RASA2: variants seen among roughly 807,000 people sequenced by gnomAD.
RASA2 encodes the protein ras GTPase-activating protein 2.
Under a neutral mutation model 118.2 loss-of-function variants are expected in RASA2, and 155 were observed. That is an observed-to-expected ratio of 1.31 (90% CI 1.15 to 1.50). RASA2 has a LOEUF of 1.50. Ranked by LOEUF, RASA2 falls within the 40% of genes most tolerant of loss-of-function variation. The pLI is 0.00. For missense variants in RASA2, 1,016 were observed against 1,009.6 expected, an observed-to-expected ratio of 1.01 and a Z score of -0.09; for synonymous variants, 353 against 349.1, an observed-to-expected ratio of 1.01 and a Z score of -0.12.
intron 5 of RASA2, among the ~76,000 whole-genome samples, chr3:141,545,461 CTT>C (rs35655653): frequency 8.8e-5 from 10 of 113,194 alleles, no homozygotes; most frequent in African/African-American, 2.4e-4. Flanking sequence ...GTACTACATA[CTT>C]TTTTTTTTTT....
intron 19 of RASA2, among the ~76,000 whole-genome samples, chr3:141,598,213 T>G (rs890120900): frequency 6.6e-6 from 1 of 152,162 alleles, no homozygotes; most frequent in African/African-American, 2.4e-5. Flanking sequence ...TGCATAACTC[T>G]AGTACTAAAA....
At chr3:141,601,400 G>A (rs1003954623) in intron 19 of RASA2, among the ~76,000 whole-genome samples, 7 of 151,750 alleles carry the variant, frequency 4.6e-5, no homozygotes, top group African/African-American at 7.3e-5. Flanking sequence ...GCATCACTGC[G>A]CTCCAGCCTG....
chr3:141,521,664 G>A (rs189628105), intron 3 of RASA2, among the ~76,000 whole-genome samples: 28 of 152,236 alleles, frequency 1.8e-4, no homozygotes, highest in African/African-American at 6.7e-4. Context: ...TGTTTAGGGA[G>A]TGGTGTCAGA....
intron 4 of RASA2, among the ~76,000 whole-genome samples, chr3:141,531,501 CAT>C (rs1312274594): frequency 6.6e-6 from 1 of 150,972 alleles, no homozygotes; most frequent in African/African-American, 2.4e-5. Flanking sequence ...TATACACACA[CAT>C]TACATACACA....
intron 19 of RASA2, among the ~76,000 whole-genome samples, chr3:141,604,556 T>G (rs1290728954): frequency 6.6e-6 from 1 of 152,212 alleles, no homozygotes; most frequent in East Asian, 1.9e-4. Context: ...TTCTTTTACC[T>G]TTTTACATTA....
intron 9 of RASA2, among the ~76,000 whole-genome samples, chr3:141,569,878 T>C (rs2082888084): frequency 6.6e-6 from 1 of 151,972 alleles, no homozygotes; most frequent in Admixed American, 6.6e-5. Flanking sequence ...AGTGAGAACA[T>C]AGGGTATTTG....
At chr3:141,506,936 AAAG>A (rs2081877975) in intron 1 of RASA2, among the ~76,000 whole-genome samples, 1 of 151,578 alleles carries the variant, frequency 6.6e-6, no homozygotes, top group Non-Finnish European at 1.5e-5. Flanking sequence ...AAAAAAAGAA[AAAG>A]AAAAAAGAAT....
intron 23 of RASA2, 78 bp downstream of exon 23, chr3:141,610,144 T>C: frequency 8.1e-7 from 1 of 1,241,504 alleles, no homozygotes; most frequent in Non-Finnish European, 1.1e-6. Context: ...ACCTCACACC[T>C]CCTGCTCACC....
chr3:141,549,484 CGTGTGT>C (rs56036122), intron 5 of RASA2, among the ~76,000 whole-genome samples: 35 of 145,302 alleles, frequency 2.4e-4, no homozygotes, highest in South Asian at 6.6e-4. Flanking sequence ...TGTGTGTGTG[CGTGTGT>C]GTGTGTGTGT....
chr3:141,528,369 A>G (rs1236266427), intron 3 of RASA2, among the ~76,000 whole-genome samples: 2 of 151,996 alleles, frequency 1.3e-5, no homozygotes, highest in Admixed American at 6.6e-5. Context: ...CTTTTAAGGT[A>G]TACATTATAT....
intron 1 of RASA2, among the ~76,000 whole-genome samples, chr3:141,487,468 C>A (rs2081591830): frequency 6.6e-6 from 1 of 151,750 alleles, no homozygotes; most frequent in Non-Finnish European, 1.5e-5. Flanking sequence ...GTGGGAGAGC[C>A]CGGGCTGCGC....
chr3:141,509,377 G>C (rs1464313020), intron 1 of RASA2, among the ~76,000 whole-genome samples: 1 of 152,164 alleles, frequency 6.6e-6, no homozygotes, highest in African/African-American at 2.4e-5. Context: ...GAGGGAGAGG[G>C]AAGTAGAATA....
intron 3 of RASA2, among the ~76,000 whole-genome samples, chr3:141,526,767 T>C (rs1577684597): frequency 6.6e-6 from 1 of 152,180 alleles, no homozygotes; most frequent in African/African-American, 2.4e-5. Context: ...AAATTACAGA[T>C]TATTCTCAGC....
Position 141,577,022 on chromosome 3 carries a change from T to C in RASA2, c.1506T>C (p.Ser502=). Reference sequence around the variant, plus strand: ...CAGATGACCCTCATGTTCAGTATTCTGCAGTGAGCAGCTTTGTATTTCTTC... The same window carrying C: ...CAGATGACCCTCATGTTCAGTATTCCGCAGTGAGCAGCTTTGTATTTCTTC... ...RFPNDPHVQY[S]AVSSFVFLRF... The change falls in exon 15 of 24, where the codon TCT becomes TCC. Residue 502 remains serine (S), a synonymous_variant. Coordinates refer to ENST00000286364, the MANE Select transcript of RASA2 (RefSeq NM_006506.5). 1.9e-6 allele frequency: 3 copies of C among 1,610,486 alleles called. No individual in the cohort carries two copies. The highest frequency in any genetic ancestry group is 2.5e-6 in the Non-Finnish European group (3 of 1,178,066).
chr3:141,496,836 A>T (rs1459812029), intron 1 of RASA2, among the ~76,000 whole-genome samples: 2 of 152,162 alleles, frequency 1.3e-5, no homozygotes, highest in East Asian at 3.9e-4. Flanking sequence ...AAGGATTATA[A>T]ATCATGCTGC....
At chr3:141,496,389 G>A (rs1390306510) in intron 1 of RASA2, among the ~76,000 whole-genome samples, 1 of 152,064 alleles carries the variant, frequency 6.6e-6, no homozygotes, top group Non-Finnish European at 1.5e-5. Flanking sequence ...GCAACCTACA[G>A]AATGGGAGAA....
chr3:141,580,927 T>C (rs2083103561), intron 16 of RASA2, among the ~76,000 whole-genome samples, 173 bp from the exon 17 acceptor site: 1 of 151,962 alleles, frequency 6.6e-6, no homozygotes, highest in African/African-American at 2.4e-5. Flanking sequence ...TCTGCCTGCT[T>C]CGGCCATAAT....
At chr3:141,592,083 T>C (rs1292261636) in intron 19 of RASA2, among the ~76,000 whole-genome samples, 1 of 152,154 alleles carries the variant, frequency 6.6e-6, no homozygotes, top group Non-Finnish European at 1.5e-5. Flanking sequence ...AAGAAAATTA[T>C]ATTTATGTTG....
intron 19 of RASA2, among the ~76,000 whole-genome samples, chr3:141,599,274 AATTTT>A (rs1165425805): frequency 8.3e-6 from 1 of 120,412 alleles, no homozygotes; most frequent in Non-Finnish European, 1.8e-5. Flanking sequence ...TATAAAGTGT[AATTTT>A]ATTTTATGTT....
Sources: gnomAD v4.1 joint callset for allele counts (sites outside exome capture counted in the v4.1 genomes callset) on GRCh38, gnomAD v4.1.1 for gene constraint, MANE v1.5 for transcripts, NCBI Gene and HGNC (gene_info 2026-07-23, HGNC 2026-07-21) for gene names.